The following C13orf42 variants were observed in gnomAD, a reference collection of about 807,000 sequenced individuals.
C13orf42 encodes the protein uncharacterized protein C13orf42.
chr13:51,084,682 T>TC (rs1363569660), intron 3 of C13orf42, among the ~76,000 whole-genome samples: 1 of 152,224 alleles, frequency 6.6e-6, no homozygotes, highest in Admixed American at 6.5e-5. Context: ...GACAGGCCCT[T>TC]CCGTTGTGAC....
At chr13:51,140,347 CAT>C (rs1953686878) in intron 1 of C13orf42, among the ~76,000 whole-genome samples, 1 of 152,208 alleles carries the variant, frequency 6.6e-6, no homozygotes, top group Non-Finnish European at 1.5e-5. Context: ...ACCTTCAGCA[CAT>C]GTCGTCAGGA....
intron 1 of C13orf42, among the ~76,000 whole-genome samples, chr13:51,124,039 A>G (rs1464369850): frequency 6.6e-6 from 1 of 152,186 alleles, no homozygotes; most frequent in East Asian, 1.9e-4. Context: ...CTTACTCTTG[A>G]AGGTAACATC....
chr13:51,098,776 T>A (rs1264046140), intron 1 of C13orf42, among the ~76,000 whole-genome samples: 1 of 151,866 alleles, frequency 6.6e-6, no homozygotes, highest in African/African-American at 2.4e-5. Context: ...CCTCAAGCTA[T>A]GGGCTGCATT....
intron 1 of C13orf42, among the ~76,000 whole-genome samples, chr13:51,090,815 G>A (rs796069989): frequency 6.6e-6 from 1 of 152,124 alleles, no homozygotes; most frequent in South Asian, 2.1e-4. Context: ...CATGAATGTT[G>A]TCTTGTTGTG....
In C13orf42 at chr13:51,111,019, G is replaced by C. The variant is rs1327873600; in HGVS notation, c.191C>G (p.Thr64Ser). The C allele has an allele frequency of 5.0e-6, 2 of 398,612 alleles. No homozygotes were observed. Among genetic ancestry groups the C allele is most frequent in the African/African-American group, 4.1e-5 (2 of 48,640 alleles). The allele number at this position is 398,612 out of a possible 1,614,324, so 24.7% of individuals were successfully genotyped here. A position where few individuals can be genotyped will look rare whatever the true frequency, so the allele number is the denominator to read the frequency against. ...CTCCTGCCGCAGGTAGTACAGGCTGGTGTCCATGCTACTGGTGCTTTTGTA... is the reference window on the plus strand; with the variant it reads ...CTCCTGCCGCAGGTAGTACAGGCTGCTGTCCATGCTACTGGTGCTTTTGTA... The part of the protein sequence containing the change: ...KKYKSTSSMD[T>S]SLYYLRQEED... Residue 64 changes from threonine (T) to serine (S), a missense_variant, in exon 1 of 4, where the codon ACC (threonine) becomes AGC (serine). By Grantham distance (58) the Thr-to-Ser change is moderately conservative. Coordinates refer to ENST00000563710, the MANE Select transcript of C13orf42 (RefSeq NM_001351589.3).
chr13:51,134,445 A>C (rs1470189715), intron 1 of C13orf42, among the ~76,000 whole-genome samples: 2 of 152,214 alleles, frequency 1.3e-5, no homozygotes, highest in Non-Finnish European at 2.9e-5. Flanking sequence ...ACCTCTCGGC[A>C]AAGGGGCCGT....
chr13:51,093,819 G>A (rs1953204789), intron 1 of C13orf42, among the ~76,000 whole-genome samples: 1 of 152,136 alleles, frequency 6.6e-6, no homozygotes, highest in African/African-American at 2.4e-5. Context: ...TTTATTAACT[G>A]TGCTTTTGGT....
At chr13:51,148,349 G>A (rs78800060) in intron 1 of C13orf42, among the ~76,000 whole-genome samples, 2,588 of 152,344 alleles carry the variant, frequency 0.017, 31 homozygotes, top group Non-Finnish European at 0.029. Flanking sequence ...TAGCACACAC[G>A]CACGGCCCCT....
chr13:51,132,690 A>G (rs1953626673), intron 1 of C13orf42, among the ~76,000 whole-genome samples: 1 of 152,128 alleles, frequency 6.6e-6, no homozygotes, highest in South Asian at 2.1e-4. Context: ...TGTTATTTAA[A>G]AAGCAGGGAA....
At chr13:51,099,704 C>T (rs946503435) in intron 1 of C13orf42, among the ~76,000 whole-genome samples, 1 of 152,110 alleles carries the variant, frequency 6.6e-6, no homozygotes, top group East Asian at 1.9e-4. Context: ...CCGTGACCAT[C>T]GTTCACAGTG....
chr13:51,157,433 C>T (rs1953832850), intron 1 of C13orf42, among the ~76,000 whole-genome samples: 1 of 151,474 alleles, frequency 6.6e-6, no homozygotes, highest in Non-Finnish European at 1.5e-5. Context: ...GACTCCATCT[C>T]AAAAGATAAA....
chr13:51,125,559 T>G (rs1441459606), intron 1 of C13orf42, among the ~76,000 whole-genome samples: 1 of 152,324 alleles, frequency 6.6e-6, no homozygotes, highest in South Asian at 2.1e-4. Context: ...GGTGGATTAA[T>G]CAATTGCTGA....
chr13:51,087,448 C>G (rs1953140207), intron 2 of C13orf42, among the ~76,000 whole-genome samples: 1 of 152,066 alleles, frequency 6.6e-6, no homozygotes, highest in African/African-American at 2.4e-5. Context: ...ACCATCATCA[C>G]CATTTTTTAA....
At chr13:51,154,370 G>A (rs531952927) in intron 1 of C13orf42, among the ~76,000 whole-genome samples, 2 of 152,182 alleles carry the variant, frequency 1.3e-5, no homozygotes, top group Non-Finnish European at 2.9e-5. Context: ...CTGAGTCATA[G>A]GGACTCCTGC....
upstream of C13orf42, among the ~76,000 whole-genome samples, chr13:51,112,795 G>C (rs1260714282): frequency 1.3e-5 from 2 of 152,156 alleles, no homozygotes; most frequent in Admixed American, 6.5e-5. Flanking sequence ...TGCAGAACCA[G>C]TCCTCAGACC....
At chr13:51,117,360 G>A (rs894070178) in intron 1 of C13orf42, among the ~76,000 whole-genome samples, 1 of 152,158 alleles carries the variant, frequency 6.6e-6, no homozygotes. Flanking sequence ...AAATGTAAAA[G>A]GAAAGTGAAT....
chr13:51,134,276 A>T (rs1159363548), intron 1 of C13orf42, among the ~76,000 whole-genome samples: 1 of 152,144 alleles, frequency 6.6e-6, no homozygotes, highest in African/African-American at 2.4e-5. Flanking sequence ...AACATATTCA[A>T]TGACCACCAC....
At chr13:51,155,273 C>CT (rs1339264869) in intron 1 of C13orf42, among the ~76,000 whole-genome samples, 1 of 151,996 alleles carries the variant, frequency 6.6e-6, no homozygotes, top group Non-Finnish European at 1.5e-5. Flanking sequence ...TTAAAGATAA[C>CT]TTTTTTAATA....
intron 1 of C13orf42, among the ~76,000 whole-genome samples, chr13:51,124,151 C>T (rs1953557829): frequency 6.6e-6 from 1 of 152,158 alleles, no homozygotes; most frequent in Non-Finnish European, 1.5e-5. Context: ...AGTTCTGTGG[C>T]CCCACCCAGG....
Sources: gnomAD v4.1 joint callset for allele counts (sites outside exome capture counted in the v4.1 genomes callset) on GRCh38, gnomAD v4.1.1 for gene constraint, MANE v1.5 for transcripts, NCBI Gene and HGNC (gene_info 2026-07-23, HGNC 2026-07-21) for gene names.